DAB1: variants seen among roughly 807,000 people sequenced by gnomAD.
The protein encoded by DAB1 is disabled homolog 1.
DAB1 carries 15 observed loss-of-function variants against 64.6 expected under a neutral mutation model. The ratio of observed to expected loss-of-function variants is 0.23; its 90% CI spans 0.16 to 0.36. The LOEUF is 0.36. DAB1 is among the 10% of genes least tolerant of loss of function. The probability of loss-of-function intolerance (pLI) is 1.00; values close to 1 mark genes in which losing one functional copy is unlikely to be tolerated. For missense variants in DAB1, 596 were observed against 706.7 expected (o/e 0.84, Z 1.78); for synonymous variants, 235 against 251.9 (o/e 0.93, Z 0.64).
At chr1:57,268,281 A>C (rs772133291) in intron 2 of DAB1, among the ~76,000 whole-genome samples, 1 of 152,248 alleles carries the variant, frequency 6.6e-6, no homozygotes, top group Non-Finnish European at 1.5e-5. Flanking sequence ...CGACAGAAAC[A>C]GAAAACAAAA....
chr1:57,565,299 G>T (rs1645104420), intron 7 of DAB1, among the ~76,000 whole-genome samples: 1 of 152,110 alleles, frequency 6.6e-6, no homozygotes, highest in Non-Finnish European at 1.5e-5. Context: ...GGAACAACAG[G>T]TACCAGCCAC....
At chr1:58,140,214 C>G (rs1430309512) in intron 5 of DAB1, among the ~76,000 whole-genome samples, 7 of 152,146 alleles carry the variant, frequency 4.6e-5, no homozygotes, top group African/African-American at 7.2e-5. Context: ...ACTTGAGGCT[C>G]AATAGAAGAA....
intron 1 of DAB1, among the ~76,000 whole-genome samples, chr1:57,864,149 A>T (rs2101946474): frequency 6.6e-6 from 1 of 152,296 alleles, no homozygotes; most frequent in Non-Finnish European, 1.5e-5. Flanking sequence ...CCCTCTGAAG[A>T]GCAATTTGAG....
intron 1 of DAB1, among the ~76,000 whole-genome samples, chr1:57,332,983 G>A (rs189032224): frequency 2.4e-4 from 37 of 152,162 alleles, no homozygotes; most frequent in Admixed American, 3.3e-4. Flanking sequence ...AACTCTCTTC[G>A]CTTTGCTCTT....
At chr1:57,664,009 G>A (rs1480229603) in intron 6 of DAB1, among the ~76,000 whole-genome samples, 3 of 152,156 alleles carry the variant, frequency 2.0e-5, no homozygotes, top group Non-Finnish European at 4.4e-5. Flanking sequence ...AGCTCTTTTG[G>A]AATGAAACAG....
At chr1:58,219,645 C>T (rs376226324) in intron 4 of DAB1, among the ~76,000 whole-genome samples, 24 of 152,278 alleles carry the variant, frequency 1.6e-4, no homozygotes, top group African/African-American at 4.3e-4. Flanking sequence ...ACTTCTCTTC[C>T]GCAGCTCACT....
At position 58,131,314 on chromosome 1, in the gene DAB1, C is replaced by T. The variant is rs1402887851; in HGVS notation, n.387+19197G>A. Among the ~76,000 whole-genome samples the T allele has an allele frequency of 1.4e-5, 2 of 140,196 alleles. 1 individual carries two copies. The highest frequency in any genetic ancestry group is 3.2e-5 in the Non-Finnish European group (2 of 63,372). 92.0% of individuals were successfully genotyped at this position (140,196 alleles called of 152,430 possible). A position where few individuals can be genotyped will look rare whatever the true frequency, so the allele number is the denominator to read the frequency against. ...GCCTTGGTTTTCAGCTCCATCAGCT[C>T]CTTTAAGCACTTCTCTCTATTGGTT... On this transcript the variant is annotated intron_variant and non_coding_transcript_variant, in intron 5 of 20. Coordinates refer to the DAB1 transcript ENST00000485760.
intron 8 of DAB1, among the ~76,000 whole-genome samples, chr1:57,064,563 C>G (rs1650719501): frequency 6.6e-6 from 1 of 152,152 alleles, no homozygotes. Flanking sequence ...ACACCTGTGA[C>G]CTTGAGGCCC....
intron 7 of DAB1, among the ~76,000 whole-genome samples, chr1:57,532,679 T>C (rs1368267818): frequency 5.3e-5 from 8 of 152,212 alleles, no homozygotes; most frequent in African/African-American, 1.9e-4. Context: ...GAGAGCACAA[T>C]GGGCTTTGGA....
intron 4 of DAB1, among the ~76,000 whole-genome samples, chr1:58,193,243 C>T (rs1412021917): frequency 6.6e-6 from 1 of 152,136 alleles, no homozygotes; most frequent in Non-Finnish European, 1.5e-5. Flanking sequence ...TCCTTTCTCA[C>T]CGTCTTTTGC....
rs114752250 is a variant in DAB1, at chr1:57,542,333, C to T, written n.625+107259G>A. Among the ~76,000 whole-genome samples the T allele has an allele frequency of 1.7e-3, 264 of 151,642 alleles. 2 individuals carry two copies. Among genetic ancestry groups the T allele is most frequent in the African/African-American group, 6.3e-3 (260 of 41,284 alleles). ...GGGTTTGGTTTATTCTGAGATTGTGCTGAGGAGCCTGTTACCAGGCCTGGC... is the reference window on the plus strand; with the variant it reads ...GGGTTTGGTTTATTCTGAGATTGTGTTGAGGAGCCTGTTACCAGGCCTGGC... On this transcript the variant is annotated intron_variant and non_coding_transcript_variant, in intron 7 of 20. Transcript: ENST00000485760.
At chr1:58,084,646 G>A (rs904843085) in intron 5 of DAB1, 15 of 153,358 alleles carry the variant, frequency 9.8e-5, no homozygotes, top group Non-Finnish European at 1.8e-4. Context: ...CTGGGACAAA[G>A]ACTGAGGTTC....
chr1:57,148,236 C>G (rs139372117), intron 2 of DAB1, among the ~76,000 whole-genome samples: 1 of 152,220 alleles, frequency 6.6e-6, no homozygotes, highest in Non-Finnish European at 1.5e-5. Context: ...AAAGAAGATT[C>G]ATAAGAGAAG....
At chr1:57,515,715 C>T (rs531877109) in intron 7 of DAB1, among the ~76,000 whole-genome samples, 9 of 152,310 alleles carry the variant, frequency 5.9e-5, no homozygotes, top group Admixed American at 1.3e-4. Flanking sequence ...TTTGTTCTTT[C>T]CTTCAACAAA....
intron 7 of DAB1, among the ~76,000 whole-genome samples, chr1:57,578,132 T>C (rs944286815): frequency 1.3e-5 from 2 of 152,216 alleles, no homozygotes; most frequent in African/African-American, 4.8e-5. Flanking sequence ...AATTAGGTCA[T>C]GCCAGGGACT....
intron 1 of DAB1, among the ~76,000 whole-genome samples, chr1:57,403,448 T>G (rs269050): frequency 0.41 from 62,435 of 151,964 alleles, 13,397 homozygotes; most frequent in African/African-American, 0.47. Flanking sequence ...CCTGGACTTG[T>G]TTATGTGAGC....
At chr1:57,506,735 T>C (rs1423085906) in intron 7 of DAB1, among the ~76,000 whole-genome samples, 1 of 152,210 alleles carries the variant, frequency 6.6e-6, no homozygotes, top group Non-Finnish European at 1.5e-5. Context: ...CTTTTTCCAC[T>C]TACCCATCTC....
At chr1:57,749,766 G>A (rs919468704) in intron 6 of DAB1, among the ~76,000 whole-genome samples, 1 of 152,168 alleles carries the variant, frequency 6.6e-6, no homozygotes, top group Non-Finnish European at 1.5e-5. Context: ...AAATGAAATG[G>A]AAAGGAAAGA....
At chr1:57,054,635 G>A (rs567982468) in intron 9 of DAB1, among the ~76,000 whole-genome samples, 2 of 151,892 alleles carry the variant, frequency 1.3e-5, no homozygotes, top group African/African-American at 4.8e-5. Flanking sequence ...CCGCCACCAC[G>A]CCCGGCTAAT....
Sources: gnomAD v4.1 joint callset for allele counts (sites outside exome capture counted in the v4.1 genomes callset) on GRCh38, gnomAD v4.1.1 for gene constraint, MANE v1.5 for transcripts, NCBI Gene and HGNC (gene_info 2026-07-23, HGNC 2026-07-21) for gene names.